Variants in NRXN3 observed in about 807,000 individuals in gnomAD.
NRXN3 encodes neurexin 3.
NRXN3 carries 32 observed loss-of-function variants against 137.6 expected under a neutral mutation model. That is an observed-to-expected ratio of 0.23 (90% confidence interval 0.18 to 0.31). NRXN3 has a LOEUF of 0.31. Ranked by LOEUF, NRXN3 falls within the 10% of genes least tolerant of loss-of-function variation. The pLI is 1.00. For synonymous variants in NRXN3, 798 were observed against 784.5 expected (o/e 1.02, Z -0.29); for missense variants, 1,574 against 2,062.5 (o/e 0.76, Z 4.59).
At chr14:78,658,433 G>T (rs1038622502) in intron 6 of NRXN3, among the ~76,000 whole-genome samples, 15 of 152,278 alleles carry the variant, frequency 9.9e-5, no homozygotes, top group South Asian at 8.3e-4. Flanking sequence ...AAAGGTTAAT[G>T]AAGTTGTTAT....
chr14:78,840,594 T>G (rs927528290), intron 10 of NRXN3, among the ~76,000 whole-genome samples: 1 of 152,156 alleles, frequency 6.6e-6, no homozygotes, highest in Non-Finnish European at 1.5e-5. Flanking sequence ...GTATGCTTTG[T>G]GTCATCATTG....
intron 15 of NRXN3, among the ~76,000 whole-genome samples, chr14:79,066,980 C>T (rs1393675648): frequency 6.6e-6 from 1 of 152,054 alleles, no homozygotes; most frequent in Non-Finnish European, 1.5e-5. Context: ...CCTGGTTGCC[C>T]TGACTAGAAC....
At chr14:79,487,585 A>G (rs1209145273) in intron 16 of NRXN3, among the ~76,000 whole-genome samples, 2 of 152,168 alleles carry the variant, frequency 1.3e-5, no homozygotes. Context: ...AAAGCAAAGC[A>G]TCTCCTCTCT....
At chr14:78,331,383 G>A (rs114263031) in intron 4 of NRXN3, among the ~76,000 whole-genome samples, 1,804 of 152,248 alleles carry the variant, frequency 0.012, 33 homozygotes, top group African/African-American at 0.041. Context: ...TACCTCATCA[G>A]CATTTAAAAC....
intron 16 of NRXN3, among the ~76,000 whole-genome samples, chr14:79,631,516 C>G (rs2098346489): frequency 6.6e-6 from 1 of 152,284 alleles, no homozygotes; most frequent in East Asian, 1.9e-4. Context: ...GGTTCGGGCT[C>G]CGTGGCCCCG....
chr14:79,353,809 G>C (rs2093320798), intron 15 of NRXN3, among the ~76,000 whole-genome samples: 1 of 152,070 alleles, frequency 6.6e-6, no homozygotes, highest in Non-Finnish European at 1.5e-5. Flanking sequence ...TTAGTCACTT[G>C]TATTACTGTT....
chr14:79,591,228 G>A (rs1220543794), intron 16 of NRXN3, among the ~76,000 whole-genome samples: 2 of 152,144 alleles, frequency 1.3e-5, no homozygotes, highest in Non-Finnish European at 2.9e-5. Context: ...TACTATTCAT[G>A]TAACAAAATA....
At chr14:79,297,603 G>A (rs2084400088) in intron 15 of NRXN3, among the ~76,000 whole-genome samples, 1 of 152,024 alleles carries the variant, frequency 6.6e-6, no homozygotes, top group Non-Finnish European at 1.5e-5. Flanking sequence ...AGCGCATGTA[G>A]GCTGAATTGG....
At chr14:79,350,686 A>C (rs559258375) in intron 15 of NRXN3, among the ~76,000 whole-genome samples, 1 of 152,192 alleles carries the variant, frequency 6.6e-6, no homozygotes, top group South Asian at 2.1e-4. Flanking sequence ...TATGAAGCCG[A>C]TTAAGTATTG....
intron 15 of NRXN3, among the ~76,000 whole-genome samples, chr14:79,418,676 C>A (rs2095532347): frequency 6.6e-6 from 1 of 152,140 alleles, no homozygotes; most frequent in Admixed American, 6.6e-5. Flanking sequence ...AAAATCAGAG[C>A]CTATACTCTT....
At chr14:78,791,021 G>T (rs2098803600) in intron 8 of NRXN3, among the ~76,000 whole-genome samples, 1 of 152,128 alleles carries the variant, frequency 6.6e-6, no homozygotes, top group South Asian at 2.1e-4. Context: ...TGTCTTTCTA[G>T]ACTCTAGAAG....
chr14:79,607,840 G>A (rs1019901545), intron 16 of NRXN3, among the ~76,000 whole-genome samples: 52 of 151,768 alleles, frequency 3.4e-4, no homozygotes, highest in African/African-American at 1.1e-3. Context: ...CACCATGCCC[G>A]GCTAATTTTT....
intron 17 of NRXN3, 140 bp downstream of exon 17, chr14:79,664,089 T>TAAGTC (rs2098546900): frequency 1.1e-6 from 1 of 871,834 alleles, no homozygotes; most frequent in East Asian, 2.6e-5. Flanking sequence ...TATGAGAAGA[T>TAAGTC]AAGTCATCTC....
At chr14:79,396,680 C>T (rs940661045) in intron 15 of NRXN3, among the ~76,000 whole-genome samples, 5 of 152,116 alleles carry the variant, frequency 3.3e-5, no homozygotes, top group Non-Finnish European at 1.5e-5. Flanking sequence ...TATTGATTTG[C>T]TTATGTTAAA....
chr14:78,995,713 A>C lies in NRXN3; in HGVS notation c.3262+7572A>C, dbSNP rs553452341. Among the ~76,000 whole-genome samples the C allele has an allele frequency of 2.7e-4, 41 of 152,354 alleles. 1 individual carries two copies. The highest frequency in any genetic ancestry group is 9.6e-4 in the African/African-American group (40 of 41,588). On this transcript the variant is annotated intron_variant, in intron 15 of 20. Transcript: ENST00000335750. The stretch of plus-strand genomic sequence containing the variant: ...TTATAAAGTTAAAAACAAAACACTC[A>C]TGCAAATATAGAATGAATGTGTGTC...
chr14:79,471,579 C>G (rs548176327), intron 16 of NRXN3, among the ~76,000 whole-genome samples: 1 of 152,270 alleles, frequency 6.6e-6, no homozygotes, highest in Admixed American at 6.5e-5. Context: ...CTGAAGTAGT[C>G]AATCTTATTG....
intron 15 of NRXN3, among the ~76,000 whole-genome samples, chr14:79,104,287 G>A (rs1160147257): frequency 6.6e-6 from 1 of 152,092 alleles, no homozygotes; most frequent in African/African-American, 2.4e-5. Context: ...GGCAAAAGTG[G>A]GCAGTAGTCT....
intron 16 of NRXN3, among the ~76,000 whole-genome samples, chr14:79,590,416 TAAA>T (rs11419735): frequency 2.6e-4 from 24 of 92,272 alleles, no homozygotes; most frequent in African/African-American, 1.2e-3. Context: ...TTTCTTTTGT[TAAA>T]AAAAAAAAAA....
intron 9 of NRXN3, among the ~76,000 whole-genome samples, chr14:78,808,527 G>A (rs1470564774): frequency 6.6e-6 from 1 of 152,072 alleles, no homozygotes; most frequent in African/African-American, 2.4e-5. Context: ...AGTAGCTGAA[G>A]CCATCACCTC....
Sources: gnomAD v4.1 joint callset for allele counts (sites outside exome capture counted in the v4.1 genomes callset) on GRCh38, gnomAD v4.1.1 for gene constraint, MANE v1.5 for transcripts, NCBI Gene and HGNC (gene_info 2026-07-23, HGNC 2026-07-21) for gene names.